The following CUX1 variants were observed in gnomAD, a reference collection of about 807,000 sequenced individuals.
The protein encoded by CUX1 is protein CASP.
A neutral mutation model predicts 158.8 loss-of-function variants in CUX1; 31 were observed. That is an observed-to-expected ratio of 0.20 (90% confidence interval 0.15 to 0.26). The LOEUF is 0.26. Among genes scored for constraint, CUX1 ranks in the 10% least tolerant of loss-of-function variants. The pLI, the probability that CUX1 is intolerant of heterozygous loss-of-function variation, is 1.00. For synonymous variants in CUX1, 879 were observed against 862.1 expected, an observed-to-expected ratio of 1.02 and a Z score of -0.34; for missense variants, 1,589 against 2,014.6, an observed-to-expected ratio of 0.79 and a Z score of 4.04.
intron 12 of CUX1, 90 bp from the exon 13 acceptor site, chr7:102,193,752 A>G (rs1330216122): frequency 1.6e-5 from 22 of 1,352,404 alleles, no homozygotes; most frequent in Non-Finnish European, 2.3e-5. Context: ...CAGTGAGCCA[A>G]TATCGCGCCA....
At chr7:101,983,703 G>T (rs1813791392) in intron 2 of CUX1, among the ~76,000 whole-genome samples, 1 of 152,026 alleles carries the variant, frequency 6.6e-6, no homozygotes, top group Non-Finnish European at 1.5e-5. Flanking sequence ...TGAGAAGGGG[G>T]AGGTCCCAGA....
At chr7:102,000,343 G>A (rs1816540033) in intron 2 of CUX1, among the ~76,000 whole-genome samples, 1 of 152,166 alleles carries the variant, frequency 6.6e-6, no homozygotes, top group Non-Finnish European at 1.5e-5. Context: ...ATCGGACTCT[G>A]GATGCCTCTC....
At position 102,227,556 on chromosome 7, in the gene CUX1, C is replaced by T. The variant is rs782737073; in HGVS notation, c.3320C>T (p.Pro1107Leu). Residue 1107 changes from proline (P) to leucine (L), a missense_variant, in exon 21 of 24, where the codon CCT (proline) becomes CTT (leucine). Around this residue, in one of 8 missense-constraint regions of CUX1, gnomAD observed 259 missense variants for 373.8 expected, o/e 0.69. Coordinates refer to ENST00000292535, the MANE Select transcript of CUX1 (RefSeq NM_181552.4). ...ASDSQPTTPL[P>L]LSGHSALSIQ... ...GACTCCCAGCCCACAACCCCGCTGC[C>T]TCTCTCCGGACACTCGGCCCTCAGC... 5 of 1,614,078 alleles carry T rather than the reference C, an allele frequency of 3.1e-6. No homozygotes were observed. The highest frequency in any genetic ancestry group is 1.7e-5 in the Admixed American group (1 of 59,996).
Position 102,126,406 on chromosome 7 carries a change from A to AT in CUX1, c.674+11141dup, listed in dbSNP as rs530672754. ...TACAAAGTTTAGAAAATTCTCAAAG[A>AT]TTTTTTTTAAAGGAAGCAGATCATC... is the stretch of plus-strand genomic sequence containing the variant. On this transcript the variant is annotated intron_variant, in intron 8 of 23. Coordinates refer to ENST00000292535, the MANE Select transcript of CUX1 (RefSeq NM_181552.4). 1.2e-4 allele frequency among the ~76,000 whole-genome samples: 19 copies of AT among 152,052 alleles called. 1 individual carries two copies. The highest frequency in any genetic ancestry group is 8.5e-4 in the Admixed American group (13 of 15,246).
At chr7:101,876,070 G>T (rs1799097476) in intron 1 of CUX1, among the ~76,000 whole-genome samples, 1 of 152,160 alleles carries the variant, frequency 6.6e-6, no homozygotes, top group South Asian at 2.1e-4. Context: ...TTGTGGCTGG[G>T]TGCGGTGGCT....
At chr7:102,062,807 T>C (rs1825065009) in intron 3 of CUX1, among the ~76,000 whole-genome samples, 1 of 152,034 alleles carries the variant, frequency 6.6e-6, no homozygotes, top group African/African-American at 2.4e-5. Context: ...CACATTTGTC[T>C]TTAAATGTAA....
intron 2 of CUX1, among the ~76,000 whole-genome samples, chr7:101,939,648 A>T (rs1490601541): frequency 6.6e-6 from 1 of 152,034 alleles, no homozygotes; most frequent in African/African-American, 2.4e-5. Context: ...CCTGGGCAAC[A>T]TAGTGAAACC....
At chr7:101,950,615 A>G (rs1808951156) in intron 2 of CUX1, among the ~76,000 whole-genome samples, 1 of 152,242 alleles carries the variant, frequency 6.6e-6, no homozygotes, top group Non-Finnish European at 1.5e-5. Flanking sequence ...TCATTTGTTT[A>G]TCTATTGTCT....
At chr7:101,932,703 G>A (rs959250370) in intron 2 of CUX1, 8 of 425,336 alleles carry the variant, frequency 1.9e-5, no homozygotes, top group African/African-American at 4.1e-5. Context: ...AACAACCCAC[G>A]AAAGGTATTT....
At chr7:102,277,828 C>T in intron 17 of CUX1, 2 of 527,918 alleles carry the variant, frequency 3.8e-6, no homozygotes, top group South Asian at 3.5e-5. Context: ...GGCAGCTTTA[C>T]AGAGTCAGGC....
At chr7:101,913,276 G>A in intron 1 of CUX1, 1 of 859,696 alleles carries the variant, frequency 1.2e-6, no homozygotes, top group Non-Finnish European at 1.6e-6. Context: ...TGTGGTGGCG[G>A]GTGGCGGCTC....
intron 2 of CUX1, among the ~76,000 whole-genome samples, chr7:101,999,231 T>TTTTA (rs1816379443): frequency 6.9e-6 from 1 of 145,164 alleles, no homozygotes; most frequent in Non-Finnish European, 1.5e-5. Flanking sequence ...TTTTTTTTTT[T>TTTTA]TTTTTTTTTA....
chr7:102,113,827 A>G (rs1348670838), intron 7 of CUX1, among the ~76,000 whole-genome samples: 1 of 152,144 alleles, frequency 6.6e-6, no homozygotes, highest in Non-Finnish European at 1.5e-5. Context: ...CAGTGTCCCA[A>G]AATGCTGGGG....
intron 3 of CUX1, among the ~76,000 whole-genome samples, chr7:102,061,324 ACT>A (rs1400657605): frequency 6.6e-6 from 1 of 151,370 alleles, no homozygotes; most frequent in African/African-American, 2.4e-5. Flanking sequence ...CAAACCACAC[ACT>A]CTTTCCATTG....
chr7:102,201,702 G>A lies in CUX1; in HGVS notation c.2405G>A (p.Cys802Tyr), dbSNP rs1586187551. ...PGLDPQGAAD[C>Y]AQGVLRQVKN... ...CTGGACCCCCAGGGAGCAGCCGATT[G>A]TGCACAAGGGGTCCTGAGACAGGTG... is the stretch of plus-strand genomic sequence containing the variant. Residue 802 changes from cysteine to tyrosine, a missense_variant, in exon 18 of 24, where the codon TGT becomes TAT. Around this residue, in one of 8 missense-constraint regions of CUX1, gnomAD observed 337 missense variants for 409.3 expected, o/e 0.82. Coordinates refer to ENST00000292535, the MANE Select transcript of CUX1 (RefSeq NM_181552.4). The surrounding 1 kb of genome is among the most constrained non-coding windows in gnomAD (Gnocchi z 5.0). The A allele has an allele frequency of 5.6e-6, 9 of 1,612,560 alleles. No individual in the cohort carries two copies. In the South Asian group the frequency reaches 8.8e-5, roughly 16 times the overall value.
chr7:102,274,364 G>A (rs1791448461), intron 16 of CUX1: 2 of 1,499,966 alleles, frequency 1.3e-6, no homozygotes, highest in Admixed American at 3.4e-5. Flanking sequence ...GAGGAGACAG[G>A]TGATACCGCC....
chr7:101,972,653 G>A (rs575604618), intron 2 of CUX1, among the ~76,000 whole-genome samples: 2 of 152,260 alleles, frequency 1.3e-5, no homozygotes, highest in East Asian at 1.9e-4. Flanking sequence ...CTGTGTATTC[G>A]TGTGCTGGAG....
chr7:101,932,477 C>T (rs1480243589), intron 2 of CUX1: 30 of 420,210 alleles, frequency 7.1e-5, no homozygotes, highest in Admixed American at 2.6e-4. Flanking sequence ...GCATCGCTTA[C>T]GAGCGCAGCA....
At chr7:102,242,482 A>T (rs1800333267) in intron 23 of CUX1, among the ~76,000 whole-genome samples, 1 of 152,128 alleles carries the variant, frequency 6.6e-6, no homozygotes, top group Non-Finnish European at 1.5e-5. Context: ...AAGTTCTGGG[A>T]TTACAGGCGT....
Sources: gnomAD v4.1 joint callset for allele counts (sites outside exome capture counted in the v4.1 genomes callset) on GRCh38, gnomAD v4.1.1 for gene constraint, gnomAD v4.1.1 regional missense constraint, Gnocchi (gnomAD v3.1) non-coding constraint, MANE v1.5 for transcripts, NCBI Gene and HGNC (gene_info 2026-07-23, HGNC 2026-07-21) for gene names.